Variants in BMPR1B observed in about 807,000 individuals in gnomAD.
The protein encoded by BMPR1B is bone morphogenetic protein receptor type 1B.
Under a neutral mutation model 59.1 loss-of-function variants are expected in BMPR1B, and 12 were observed. That is an observed-to-expected ratio of 0.20 (90% confidence interval 0.13 to 0.33). The LOEUF (loss-of-function observed/expected upper bound fraction) is 0.33, where lower values mean the gene tolerates loss of function less well. Among genes scored for constraint, BMPR1B ranks in the 10% least tolerant of loss-of-function variants. The pLI, the probability that BMPR1B is intolerant of heterozygous loss-of-function variation, is 1.00. For synonymous variants in BMPR1B, 237 were observed against 207.3 expected, an observed-to-expected ratio of 1.14 and a Z score of -1.23; for missense variants, 550 against 610.9, an observed-to-expected ratio of 0.90 and a Z score of 1.05.
intron 3 of BMPR1B, among the ~76,000 whole-genome samples, chr4:95,042,372 G>T (rs187938038): frequency 5.1e-4 from 77 of 152,256 alleles, no homozygotes; most frequent in Non-Finnish European, 8.5e-4. Flanking sequence ...CTGACACAGT[G>T]ACACCTTTGT....
intron 10 of BMPR1B, among the ~76,000 whole-genome samples, chr4:95,136,802 T>C (rs961609473): frequency 2.0e-5 from 3 of 152,106 alleles, no homozygotes; most frequent in Admixed American, 2.0e-4. Flanking sequence ...TTCTCTCTTT[T>C]CTTCTTTATT....
chr4:94,798,403 G>T (rs1369959526), intron 1 of BMPR1B, among the ~76,000 whole-genome samples: 2 of 152,188 alleles, frequency 1.3e-5, no homozygotes, highest in Non-Finnish European at 2.9e-5. Context: ...TCATCAGCAT[G>T]AAGAGAAACA....
At chr4:95,101,161 A>G (rs562802848) in intron 3 of BMPR1B, among the ~76,000 whole-genome samples, 37 of 152,244 alleles carry the variant, frequency 2.4e-4, no homozygotes, top group African/African-American at 8.9e-4. Context: ...CAAATTACCC[A>G]GTAAAGAAGG....
At chr4:94,841,720 T>C (rs1006852600) in intron 1 of BMPR1B, among the ~76,000 whole-genome samples, 1 of 152,210 alleles carries the variant, frequency 6.6e-6, no homozygotes, top group Non-Finnish European at 1.5e-5. Flanking sequence ...ACCCGTCTTC[T>C]GCGTTGCTCA....
chr4:95,087,610 G>C (rs1430128762), intron 3 of BMPR1B, among the ~76,000 whole-genome samples: 1 of 151,962 alleles, frequency 6.6e-6, no homozygotes, highest in Non-Finnish European at 1.5e-5. Flanking sequence ...GCATGCCTGT[G>C]GTCCCAGCTG....
chr4:95,064,605 A>G lies in BMPR1B; in HGVS notation c.-17-39803A>G, dbSNP rs376490416. 2.6e-5 allele frequency among the ~76,000 whole-genome samples: 4 copies of G among 152,334 alleles called. No homozygotes were observed. In the South Asian group the frequency reaches 6.2e-4, roughly 24 times the overall value. On this transcript the variant is annotated intron_variant, in intron 3 of 12. Coordinates refer to ENST00000515059, the MANE Select transcript of BMPR1B (RefSeq NM_001203.3). The stretch of plus-strand genomic sequence containing the variant: ...AGAAAGTGAAAAGACAGTCCACATA[A>G]TGGAAGAATATATTTGCAAATCATG...
At chr4:94,955,061 T>C (rs1181772598) in intron 2 of BMPR1B, among the ~76,000 whole-genome samples, 2 of 152,208 alleles carry the variant, frequency 1.3e-5, no homozygotes, top group Non-Finnish European at 2.9e-5. Context: ...TTAGAACTTA[T>C]GTTGCTTTAT....
chr4:95,099,242 C>T (rs956177836), intron 3 of BMPR1B, among the ~76,000 whole-genome samples: 1 of 152,156 alleles, frequency 6.6e-6, no homozygotes, highest in Admixed American at 6.6e-5. Flanking sequence ...TGGCTCGATT[C>T]TCTTTTGGTG....
chr4:94,977,216 T>G (rs1400665035), intron 2 of BMPR1B, among the ~76,000 whole-genome samples: 2 of 152,198 alleles, frequency 1.3e-5, no homozygotes, highest in South Asian at 2.1e-4. Flanking sequence ...GTAGTTAGGT[T>G]GTTGAGCAGA....
intron 1 of BMPR1B, among the ~76,000 whole-genome samples, chr4:94,787,396 C>T (rs1722801394): frequency 6.6e-6 from 1 of 152,036 alleles, no homozygotes; most frequent in African/African-American, 2.4e-5. Context: ...TCCGGTTCTC[C>T]CCTGAAGCAG....
In BMPR1B at chr4:94,873,302, T is replaced by G. The variant is rs1218046930; in HGVS notation, c.-182-2529T>G. ...TTGTTTACCTGAATTTTTGCTTTTT[T>G]TCCTTCATCGTTTGGAGATGACTTT... On this transcript the variant is annotated intron_variant, in intron 1 of 12. Coordinates refer to ENST00000515059, the MANE Select transcript of BMPR1B (RefSeq NM_001203.3). Among the ~76,000 whole-genome samples, 4 of 152,200 alleles carry G rather than the reference T, an allele frequency of 2.6e-5. No homozygotes were observed. The South Asian group carries it at 8.3e-4, about 31-fold the overall frequency.
intron 3 of BMPR1B, among the ~76,000 whole-genome samples, chr4:95,048,111 A>G (rs576056544): frequency 4.3e-4 from 66 of 152,228 alleles, no homozygotes; most frequent in Middle Eastern, 3.4e-3. Context: ...AGCTGCATCA[A>G]TGTTGCTATG....
chr4:94,923,160 A>G (rs1214783078), intron 2 of BMPR1B, among the ~76,000 whole-genome samples: 5 of 152,090 alleles, frequency 3.3e-5, no homozygotes, highest in Non-Finnish European at 7.4e-5. Context: ...TTGCTTTGTA[A>G]CTGTTCTATA....
chr4:94,774,167 T>C (rs1722285489), intron 1 of BMPR1B, among the ~76,000 whole-genome samples: 1 of 152,044 alleles, frequency 6.6e-6, no homozygotes, highest in Admixed American at 6.5e-5. Flanking sequence ...ACCTCCCCTA[T>C]GACACGTCAG....
At chr4:94,972,145 C>A (rs935825937) in intron 2 of BMPR1B, among the ~76,000 whole-genome samples, 93 of 151,510 alleles carry the variant, frequency 6.1e-4, no homozygotes, top group Middle Eastern at 5.8e-3. Context: ...ATAAATGATG[C>A]GGTAAAGGAA....
intron 2 of BMPR1B, among the ~76,000 whole-genome samples, chr4:94,939,687 A>C (rs1729438946): frequency 6.6e-6 from 1 of 152,174 alleles, no homozygotes; most frequent in African/African-American, 2.4e-5. Flanking sequence ...ATTACCAACA[A>C]AATTTAGTAA....
At chr4:94,860,107 G>C (rs28403938) in intron 1 of BMPR1B, among the ~76,000 whole-genome samples, 135 of 151,890 alleles carry the variant, frequency 8.9e-4, no homozygotes, top group Non-Finnish European at 1.5e-3. Context: ...TCCTTAACGC[G>C]TCCCTAAACT....
intron 9 of BMPR1B, 103 bp from the exon 10 acceptor site, chr4:95,131,112 G>T (rs1560677971): frequency 4.0e-6 from 5 of 1,264,696 alleles, no homozygotes; most frequent in Non-Finnish European, 5.6e-6. Context: ...TGAATGAAAT[G>T]CTAAACAAAA....
chr4:94,892,286 T>C (rs1369227268), intron 2 of BMPR1B, among the ~76,000 whole-genome samples: 1 of 152,022 alleles, frequency 6.6e-6, no homozygotes, highest in Non-Finnish European at 1.5e-5. Context: ...GCTGTGAGCT[T>C]ACTGGAAATG....
Sources: gnomAD v4.1 joint callset for allele counts (sites outside exome capture counted in the v4.1 genomes callset) on GRCh38, gnomAD v4.1.1 for gene constraint, MANE v1.5 for transcripts, NCBI Gene and HGNC (gene_info 2026-07-23, HGNC 2026-07-21) for gene names.